MAGI1: variants seen among roughly 807,000 people sequenced by gnomAD.
MAGI1 encodes membrane-associated guanylate kinase, WW and PDZ domain-containing protein 1.
In MAGI1, 58 loss-of-function variants were observed where a neutral mutation model predicts 139.9. That is an observed-to-expected ratio of 0.41 (90% CI 0.34 to 0.52). The LOEUF is 0.52. Among genes scored for constraint, MAGI1 ranks in the 20% least tolerant of loss-of-function variants. The probability of loss-of-function intolerance (pLI) is 0.12; values close to 1 mark genes in which losing one functional copy is unlikely to be tolerated. For missense variants in MAGI1, 1,874 were observed against 1,901.6 expected (o/e 0.99, Z 0.27); for synonymous variants, 812 against 737.9 (o/e 1.10, Z -1.63).
chr3:65,601,830 G>GA (rs1236387321), intron 2 of MAGI1, among the ~76,000 whole-genome samples: 3 of 151,660 alleles, frequency 2.0e-5, no homozygotes, highest in South Asian at 4.2e-4. Context: ...CCCATGGAAA[G>GA]AAAAAAAATA....
intron 1 of MAGI1, among the ~76,000 whole-genome samples, chr3:65,889,574 A>C (rs2060659887): frequency 6.6e-6 from 1 of 152,182 alleles, no homozygotes; most frequent in Non-Finnish European, 1.5e-5. Flanking sequence ...GGGGAGAAAT[A>C]CTCGCCTAAA....
intron 5 of MAGI1, among the ~76,000 whole-genome samples, chr3:65,469,282 C>T (rs1022462387): frequency 1.2e-4 from 19 of 152,148 alleles, no homozygotes; most frequent in Non-Finnish European, 2.4e-4. Context: ...CAGTTTCAAT[C>T]TATACGAGTA....
At chr3:65,963,544 A>T (rs1258093385) in intron 1 of MAGI1, among the ~76,000 whole-genome samples, 1 of 152,194 alleles carries the variant, frequency 6.6e-6, no homozygotes, top group African/African-American at 2.4e-5. Context: ...TGAACCCAGA[A>T]GGCGGAGGTT....
chr3:65,725,239 C>A lies in MAGI1; in HGVS notation c.314-103151G>T, dbSNP rs144525429. 3.3e-5 allele frequency among the ~76,000 whole-genome samples: 5 copies of A among 152,240 alleles called. No individual in the cohort carries two copies. In the East Asian group the frequency reaches 9.7e-4, roughly 29 times the overall value. ...TGCATGGACTCTGGAACAATAATGT[C>A]AGGATGTGAAACCAGGCTCTATCTC... On this transcript the variant is annotated intron_variant, in intron 1 of 22. Coordinates refer to ENST00000402939, the MANE Select transcript of MAGI1 (RefSeq NM_001033057.2).
intron 2 of MAGI1, among the ~76,000 whole-genome samples, chr3:65,566,169 G>A (rs141840986): frequency 2.2e-3 from 340 of 151,964 alleles, no homozygotes; most frequent in African/African-American, 7.5e-3. Flanking sequence ...CAGAAGAATC[G>A]CTTGAACCCA....
intron 1 of MAGI1, among the ~76,000 whole-genome samples, chr3:65,953,351 C>G (rs2063956942): frequency 6.6e-6 from 1 of 152,180 alleles, no homozygotes; most frequent in Non-Finnish European, 1.5e-5. Context: ...GCAGCTAATG[C>G]TGGGCCTGGC....
intron 1 of MAGI1, among the ~76,000 whole-genome samples, chr3:65,658,317 A>G (rs989343862): frequency 1.3e-5 from 2 of 152,182 alleles, no homozygotes; most frequent in African/African-American, 2.4e-5. Context: ...ATAGCAATAC[A>G]TCAGTACAGG....
intron 2 of MAGI1, among the ~76,000 whole-genome samples, chr3:65,560,678 G>A (rs1194393615): frequency 6.6e-6 from 1 of 152,120 alleles, no homozygotes; most frequent in Non-Finnish European, 1.5e-5. Flanking sequence ...GCTCTGCAAA[G>A]GACAAAGAAA....
intron 2 of MAGI1, among the ~76,000 whole-genome samples, chr3:65,614,954 G>C (rs1346189650): frequency 1.3e-5 from 2 of 151,542 alleles, no homozygotes; most frequent in African/African-American, 4.9e-5. Flanking sequence ...CCCAGGAGTT[G>C]GATGCTGCAC....
intron 2 of MAGI1, among the ~76,000 whole-genome samples, chr3:65,496,377 G>C (rs1952452233): frequency 6.6e-6 from 1 of 152,076 alleles, no homozygotes; most frequent in Non-Finnish European, 1.5e-5. Context: ...ACTTCAAGGA[G>C]AACAAGTTTT....
chr3:65,625,839 G>A (rs1401630417), intron 1 of MAGI1, among the ~76,000 whole-genome samples: 1 of 152,154 alleles, frequency 6.6e-6, no homozygotes, highest in Non-Finnish European at 1.5e-5. Context: ...TTCTAGAAGT[G>A]AATAAAAATC....
intron 12 of MAGI1, among the ~76,000 whole-genome samples, chr3:65,417,270 C>T (rs1316293951): frequency 6.6e-6 from 1 of 152,090 alleles, no homozygotes; most frequent in Non-Finnish European, 1.5e-5. Context: ...CACCATGGCA[C>T]ACATTTACCT....
chr3:65,837,294 C>T (rs1293360533), intron 1 of MAGI1, among the ~76,000 whole-genome samples: 1 of 152,188 alleles, frequency 6.6e-6, no homozygotes. Flanking sequence ...GTCATTTCTA[C>T]AGCAGCTGTC....
At chr3:65,518,248 C>A (rs375106741) in intron 2 of MAGI1, among the ~76,000 whole-genome samples, 9 of 152,204 alleles carry the variant, frequency 5.9e-5, no homozygotes, top group African/African-American at 1.2e-4. Context: ...CTTCACAGAC[C>A]ACTGCATAAG....
chr3:65,909,950 CACA>C (rs1467391174), intron 1 of MAGI1, among the ~76,000 whole-genome samples: 1 of 152,124 alleles, frequency 6.6e-6, no homozygotes, highest in African/African-American at 2.4e-5. Context: ...ATAAGGAGCG[CACA>C]ACTAGATCCC....
At chr3:65,977,601 C>T (rs2065331584) in intron 1 of MAGI1, among the ~76,000 whole-genome samples, 1 of 151,922 alleles carries the variant, frequency 6.6e-6, no homozygotes, top group South Asian at 2.1e-4. Context: ...GTCCCAGATA[C>T]TCAGGAGGCT....
chr3:65,949,447 C>T (rs1047427952), intron 1 of MAGI1, among the ~76,000 whole-genome samples: 4 of 152,226 alleles, frequency 2.6e-5, no homozygotes, highest in Admixed American at 2.0e-4. Context: ...GTCATTTAGA[C>T]TTGACCAAGT....
intron 1 of MAGI1, among the ~76,000 whole-genome samples, chr3:65,839,973 C>T (rs77547267): frequency 0.062 from 9,423 of 152,142 alleles, 460 homozygotes; most frequent in South Asian, 0.23. Flanking sequence ...CATACTAAAT[C>T]TGGTATATAT....
intron 1 of MAGI1, among the ~76,000 whole-genome samples, chr3:66,022,051 G>T (rs957139908): frequency 6.6e-6 from 1 of 151,984 alleles, no homozygotes; most frequent in African/African-American, 2.4e-5. Context: ...TTCCCCTCTG[G>T]AATTCAGGCA....
Sources: gnomAD v4.1 joint callset for allele counts (sites outside exome capture counted in the v4.1 genomes callset) on GRCh38, gnomAD v4.1.1 for gene constraint, MANE v1.5 for transcripts, NCBI Gene and HGNC (gene_info 2026-07-23, HGNC 2026-07-21) for gene names.